ME2: variants seen among roughly 807,000 people sequenced by gnomAD.
ME2 encodes NAD-dependent malic enzyme, mitochondrial.
In ME2, 60 loss-of-function variants were observed where a neutral mutation model predicts 73.7. The observed-to-expected ratio is 0.81, with a 90% CI of 0.66 to 1.01. The LOEUF is 1.01. Among genes scored for constraint, ME2 ranks in the 50% least tolerant of loss-of-function variants. The pLI, the probability that ME2 is intolerant of heterozygous loss-of-function variation, is 0.00. For synonymous variants in ME2, 199 were observed against 236.9 expected, an observed-to-expected ratio of 0.84 and a Z score of 1.47; for missense variants, 594 against 705.5, an observed-to-expected ratio of 0.84 and a Z score of 1.79.
rs1182196966 is a variant in ME2 at position 50,950,467 on chromosome 18, C to CTTTTTTTTTTTTTTTTT, written c.*3295_*3311dup. ...GCCTGGGGTGGGGCCTCAGATTCTG[C>CTTTTTTTTTTTTTTTTT]TTTTTTTTTTTTTTTTTTTTTTTTT... On this transcript the variant is annotated 3_prime_UTR_variant, in exon 16 of 16. Transcript: ENST00000321341. The CTTTTTTTTTTTTTTTTT allele has an allele frequency of 2.2e-5, 1 of 45,070 alleles. No individual in the cohort carries two copies. Among genetic ancestry groups the CTTTTTTTTTTTTTTTTT allele is most frequent in the African/African-American group, 8.9e-5 (1 of 11,282 alleles). 2.8% of individuals were successfully genotyped at this position (45,070 alleles called of 1,614,324 possible).
intron 14 of ME2, 79 bp downstream of exon 14, chr18:50,939,719 A>G: frequency 1.0e-6 from 1 of 968,502 alleles, no homozygotes; most frequent in East Asian, 2.4e-5. Context: ...AGGCAGAGAG[A>G]GAATGGGTTA....
At chr18:50,904,054 T>G (rs1916952570) in intron 2 of ME2, among the ~76,000 whole-genome samples, 2 of 152,194 alleles carry the variant, frequency 1.3e-5, no homozygotes, top group African/African-American at 4.8e-5. Flanking sequence ...ATGTCTATAT[T>G]TATAATAGTT....
At chr18:50,914,928 T>C (rs1917248623) in intron 4 of ME2, among the ~76,000 whole-genome samples, 1 of 152,230 alleles carries the variant, frequency 6.6e-6, no homozygotes, top group African/African-American at 2.4e-5. Context: ...CAATATACTG[T>C]GTCTAAAATG....
At chr18:50,944,020 A>G (rs971903986) in intron 15 of ME2, among the ~76,000 whole-genome samples, 2 of 152,052 alleles carry the variant, frequency 1.3e-5, no homozygotes, top group African/African-American at 4.8e-5. Context: ...GTTTAAGACC[A>G]TCCCTGGACA....
chr18:50,937,091 A>G (rs970862227), intron 13 of ME2, among the ~76,000 whole-genome samples: 2 of 152,172 alleles, frequency 1.3e-5, no homozygotes, highest in African/African-American at 2.4e-5. Flanking sequence ...AGGAAAAGGA[A>G]CATAGGCAAG....
At position 50,902,597 on chromosome 18, in the gene ME2, G is replaced by A. The variant is rs538380570; in HGVS notation, c.109-5466G>A. Among the ~76,000 whole-genome samples the A allele has an allele frequency of 3.3e-3, 508 of 152,074 alleles. 3 individuals carry two copies. The highest frequency in any genetic ancestry group is 0.012 in the African/African-American group (485 of 41,488). On this transcript the variant is annotated intron_variant, in intron 2 of 15. Transcript: ENST00000321341. ...TTTTTGGTAGAGACGGGGTTTCAGC[G>A]TGTTGTCCAGGCTGATCTCGAACTC...
intron 2 of ME2, among the ~76,000 whole-genome samples, chr18:50,905,014 A>G (rs890851333): frequency 2.0e-5 from 3 of 150,934 alleles, no homozygotes; most frequent in African/African-American, 7.3e-5. Flanking sequence ...TTGAGACGGA[A>G]TCTCCCTCTG....
chr18:50,890,974 A>T (rs898176031), intron 1 of ME2, among the ~76,000 whole-genome samples: 1 of 152,202 alleles, frequency 6.6e-6, no homozygotes, highest in African/African-American at 2.4e-5. Flanking sequence ...GGTACTGAAG[A>T]TAAACGTATG....
At chr18:50,888,618 C>T (rs550189546) in intron 1 of ME2, among the ~76,000 whole-genome samples, 29 of 151,642 alleles carry the variant, frequency 1.9e-4, no homozygotes, top group African/African-American at 5.6e-4. Context: ...GTCTAAGACT[C>T]GTGATAACTA....
intron 1 of ME2, among the ~76,000 whole-genome samples, chr18:50,884,178 A>G (rs1170811915): frequency 6.6e-6 from 1 of 151,552 alleles, no homozygotes; most frequent in East Asian, 1.9e-4. Flanking sequence ...TTTATATTTT[A>G]TTTTACTCTA....
intron 1 of ME2, among the ~76,000 whole-genome samples, chr18:50,895,530 G>A (rs563455948): frequency 6.6e-6 from 1 of 152,290 alleles, no homozygotes; most frequent in South Asian, 2.1e-4. Context: ...ACAAGTGGGA[G>A]ATGCATACCT....
chr18:50,931,736 G>A lies in ME2; in HGVS notation c.1315-522G>A, dbSNP rs750841348. On this transcript the variant is annotated intron_variant, in intron 12 of 15. Transcript: ENST00000321341. ...GTTGCCCAGGCTGGAGTGCAGTGGC[G>A]TGCTATCGGCTCACTGCAACCTCTG... Among the ~76,000 whole-genome samples, 6 of 150,986 alleles carry A rather than the reference G, an allele frequency of 4.0e-5. No homozygotes were observed. In the South Asian group the frequency reaches 6.3e-4, roughly 16 times the overall value.
chr18:50,888,324 A>G (rs914795860), intron 1 of ME2, among the ~76,000 whole-genome samples: 2 of 144,670 alleles, frequency 1.4e-5, no homozygotes, highest in African/African-American at 5.2e-5. Flanking sequence ...TAGCCTAGGC[A>G]ACAGAGCAAG....
At chr18:50,881,425 A>G (rs1916322725) in intron 1 of ME2, among the ~76,000 whole-genome samples, 1 of 152,246 alleles carries the variant, frequency 6.6e-6, no homozygotes. Context: ...CTAAATAAAA[A>G]TTACATTGAC....
intron 12 of ME2, among the ~76,000 whole-genome samples, chr18:50,931,568 C>G (rs764471689): frequency 7.2e-5 from 11 of 152,120 alleles, no homozygotes; most frequent in Non-Finnish European, 1.6e-4. Context: ...TAGTAAATGA[C>G]AGCCATTTGT....
intron 1 of ME2, among the ~76,000 whole-genome samples, chr18:50,893,151 A>AAAAAAAAAAAAAAAAAAAAAAAAAAAAC (rs1916649164): frequency 7.0e-6 from 1 of 143,284 alleles, no homozygotes; most frequent in Non-Finnish European, 1.5e-5. Flanking sequence ...AAAAAAAAAA[A>AAAAAAAAAAAAAAAAAAAAAAAAAAAAC]ACACCTTTAA....
intron 2 of ME2, among the ~76,000 whole-genome samples, chr18:50,906,460 A>G (rs1368910916): frequency 1.3e-5 from 2 of 152,050 alleles, no homozygotes; most frequent in African/African-American, 2.4e-5. Context: ...CCACAGGCAC[A>G]TGCCACCACG....
chr18:50,944,099 A>G (rs1003295966), intron 15 of ME2, among the ~76,000 whole-genome samples: 7 of 152,118 alleles, frequency 4.6e-5, no homozygotes, highest in Non-Finnish European at 1.0e-4. Flanking sequence ...CTGTAGTCCC[A>G]CCTACTCAGG....
chr18:50,912,714 T>G (rs1917185760), intron 3 of ME2, 87 bp from the exon 4 acceptor site: 6 of 1,118,612 alleles, frequency 5.4e-6, no homozygotes, highest in Non-Finnish European at 7.1e-6. Flanking sequence ...AATTTCAATT[T>G]TAGACATTTA....
Sources: allele counts gnomAD v4.1 joint callset (sites outside exome capture counted in the v4.1 genomes callset), GRCh38; gene constraint gnomAD v4.1.1; transcripts MANE v1.5; gene names NCBI Gene and HGNC (gene_info 2026-07-23, HGNC 2026-07-21).